Variants in CEP290 observed in about 807,000 individuals in gnomAD.
The protein encoded by CEP290 is centrosomal protein 290, also known as centrosomal protein of 290 kDa.
In CEP290, 317 loss-of-function variants were observed where a neutral mutation model predicts 344.9. The observed-to-expected ratio is 0.92, with a 90% confidence interval of 0.84 to 1.01. The LOEUF is 1.01. Among genes scored for constraint, CEP290 ranks in the 50% least tolerant of loss-of-function variants. The probability of loss-of-function intolerance (pLI) is 0.00; values close to 1 mark genes in which losing one functional copy is unlikely to be tolerated. For missense variants in CEP290, 2,754 were observed against 2,761.4 expected, an observed-to-expected ratio of 1.00 and a Z score of 0.06; for synonymous variants, 932 against 895.8, an observed-to-expected ratio of 1.04 and a Z score of -0.72.
rs1313159815 is a variant in CEP290 at position 88,080,292 on chromosome 12, A to G, written c.5116T>C (p.Ser1706Pro). The G allele has an allele frequency of 6.2e-7, 1 of 1,613,666 alleles. No individual in the cohort carries two copies. The highest frequency in any genetic ancestry group is 8.5e-7 in the Non-Finnish European group (1 of 1,179,688). Residue 1706 changes from serine (S) to proline (P), a missense_variant, in exon 38 of 54, where the codon TCT becomes CCT. Coordinates refer to ENST00000552810, the MANE Select transcript of CEP290 (RefSeq NM_025114.4). Reference protein sequence around the residue: ...QSQKESQCLKSELQAQKEANS... With the variant: ...QSQKESQCLKPELQAQKEANS... ...GCTTCTTTTTGAGCCTGAAGTTCAG[A>G]TTTTAAACACTGTGACTCCTTTTGT...
chr12:88,089,101 C>T lies in CEP290; in HGVS notation c.3960G>A (p.Glu1320=), dbSNP rs2036812497. 1 of 1,551,410 alleles carries T rather than the reference C, an allele frequency of 6.4e-7. No homozygotes were observed. The highest frequency in any genetic ancestry group is 1.4e-5 in the African/African-American group (1 of 72,322). ...EHRNMENKTL[E]MELKLKGLEE... is the part of the protein sequence containing the mutation. ...CCAGGCCCTTTAATTTTAATTCCAT[C>T]TCCAATGTTTTGTTCTCCATATTTC... The change falls in exon 31 of 54, where the codon GAG becomes GAA. Residue 1320 remains glutamate, a synonymous_variant. Coordinates refer to ENST00000552810, the MANE Select transcript of CEP290 (RefSeq NM_025114.4).
In CEP290 at chr12:88,107,249, T is replaced by C. The variant is rs549975023; in HGVS notation, c.2484-151A>G. ...TCTGAAAACACAAGAAGTTAAACTTTCATTTAAAAAGGGTTTAGCCTAGAA... is the reference window on the plus strand; with the variant it reads ...TCTGAAAACACAAGAAGTTAAACTTCCATTTAAAAAGGGTTTAGCCTAGAA... On this transcript the variant is annotated intron_variant, in intron 23 of 53. Transcript: ENST00000552810. Among the ~76,000 whole-genome samples the C allele has an allele frequency of 1.1e-3, 163 of 152,292 alleles. 3 individuals carry two copies. Among genetic ancestry groups the C allele is most frequent in the Non-Finnish European group, 5.7e-4 (39 of 68,004 alleles).
intron 38 of CEP290, 91 bp from the exon 39 acceptor site, chr12:88,079,320 A>G (rs547696899): frequency 2.1e-6 from 2 of 966,712 alleles, no homozygotes; most frequent in African/African-American, 3.4e-5. Context: ...AAGCTTTATT[A>G]CTTCCTACTA....
intron 52 of CEP290, among the ~76,000 whole-genome samples, chr12:88,052,681 C>G (rs1040589395): frequency 4.6e-5 from 7 of 151,940 alleles, no homozygotes; most frequent in African/African-American, 1.7e-4. Flanking sequence ...ATACATACAC[C>G]TACATATCTC....
chr12:88,127,478 ACTCTGT>A (rs2039804536), intron 11 of CEP290, among the ~76,000 whole-genome samples: 1 of 152,208 alleles, frequency 6.6e-6, no homozygotes, highest in Non-Finnish European at 1.5e-5. Context: ...ACTGAGTGAG[ACTCTGT>A]CTCAAAAACA....
chr12:88,121,591 C>T (rs956605456), intron 13 of CEP290, among the ~76,000 whole-genome samples: 4 of 145,180 alleles, frequency 2.8e-5, no homozygotes, highest in African/African-American at 7.6e-5. Flanking sequence ...GGAATATAAA[C>T]GCAAAGTTCA....
intron 5 of CEP290, among the ~76,000 whole-genome samples, chr12:88,136,998 C>T (rs2040388210): frequency 6.6e-6 from 1 of 151,954 alleles, no homozygotes; most frequent in South Asian, 2.1e-4. Context: ...TTTTCCTGAG[C>T]CACCCAGAGA....
At chr12:88,054,461 TGAG>T (rs1565783936) in intron 50 of CEP290, 48 bp from the exon 51 acceptor site, 1 of 1,362,124 alleles carries the variant, frequency 7.3e-7, no homozygotes. Context: ...CATGGAAATA[TGAG>T]GATTTATAAA....
At chr12:88,078,856 A>G (rs1592812005) in intron 39 of CEP290, among the ~76,000 whole-genome samples, 1 of 152,278 alleles carries the variant, frequency 6.6e-6, no homozygotes, top group East Asian at 1.9e-4. Flanking sequence ...ATTTAATTTC[A>G]TTAGAAACAG....
chr12:88,058,704 G>GA (rs1213392561), intron 49 of CEP290, 144 bp downstream of exon 49: 2 of 818,604 alleles, frequency 2.4e-6, no homozygotes, highest in Admixed American at 2.9e-5. Flanking sequence ...TACTACAACA[G>GA]AAAAAAAGTA....
rs1183095802 is a variant in CEP290 at position 88,090,789 on chromosome 12, G to C, written c.3512C>G (p.Ala1171Gly). The change falls in exon 30 of 54, where the codon GCA becomes GGA. Residue 1171 changes from alanine (A) to glycine (G), a missense_variant. Coordinates refer to ENST00000552810, the MANE Select transcript of CEP290 (RefSeq NM_025114.4). ...TTCCTTGTCCCTAGATTGTTGTTGTGCATTCAAAATTTCAACTTGTCTTCT... is the reference window on the plus strand; with the variant it reads ...TTCCTTGTCCCTAGATTGTTGTTGTCCATTCAAAATTTCAACTTGTCTTCT... ...IARRQVEILN[A>G]QQQSRDKEVE... is the part of the protein sequence containing the mutation. The C allele has an allele frequency of 2.6e-6, 4 of 1,562,292 alleles. No homozygotes were observed. The highest frequency in any genetic ancestry group is 3.5e-6 in the Non-Finnish European group (4 of 1,151,286).
At position 88,102,924 on chromosome 12, in the gene CEP290, A is replaced by C; in HGVS notation, c.2905T>G (p.Tyr969Asp). The change falls in exon 26 of 54, where the codon TAC becomes GAC. Residue 969 changes from tyrosine (Y) to aspartate (D), a missense_variant. Coordinates refer to ENST00000552810, the MANE Select transcript of CEP290 (RefSeq NM_025114.4). ...LSELELANKQYNELTAKYRDI... is the reference protein window; with the variant it reads ...LSELELANKQDNELTAKYRDI... ...CTGTACTTAGCAGTCAGTTCATTGT[A>C]CTGTTTATTAGCCAGTTCTAGTTCA... 1 of 1,607,564 alleles carries C rather than the reference A, an allele frequency of 6.2e-7. No homozygotes were observed. Among genetic ancestry groups the C allele is most frequent in the Non-Finnish European group, 8.5e-7 (1 of 1,177,556 alleles).
Position 88,064,099 on chromosome 12 carries a change from G to C in CEP290, c.6152C>G (p.Ser2051Ter). The C allele has an allele frequency of 6.4e-7, 1 of 1,567,030 alleles. No homozygotes were observed. Among genetic ancestry groups the C allele is most frequent in the Non-Finnish European group, 8.6e-7 (1 of 1,156,176 alleles). ...YSKPSISGIE[S>*]DDHCQREQEL... The stretch of plus-strand genomic sequence containing the variant: ...CTGTTCTCTCTGACAATGATCATCT[G>C]ACTCTATTCCTGAAATCTTCAGGGA... Residue 2051 changes from serine (S) to a stop codon, truncating the protein, a stop_gained, in exon 45 of 54, where the codon TCA becomes TGA. Coordinates refer to ENST00000552810, the MANE Select transcript of CEP290 (RefSeq NM_025114.4). LOFTEE classifies it high-confidence loss of function.
At chr12:88,090,604 TG>T (rs2036956403) in intron 30 of CEP290, 123 bp downstream of exon 30, 1 of 653,804 alleles carries the variant, frequency 1.5e-6, no homozygotes, top group East Asian at 3.0e-5. Context: ...CACTCCACCC[TG>T]GGCAACAGAA....
chr12:88,134,851 T>C (rs940792748), intron 6 of CEP290, among the ~76,000 whole-genome samples: 4 of 152,210 alleles, frequency 2.6e-5, no homozygotes, highest in African/African-American at 9.6e-5. Flanking sequence ...TAACATCTCT[T>C]ACCTCTAGGT....
chr12:88,081,003 A>G (rs889493176), intron 37 of CEP290, among the ~76,000 whole-genome samples: 1 of 152,208 alleles, frequency 6.6e-6, no homozygotes, highest in Non-Finnish European at 1.5e-5. Flanking sequence ...GGCATTTTAA[A>G]TATTATGGCT....
chr12:88,059,029 A>G lies in CEP290; in HGVS notation c.6646-9T>C. ...TCTGCAGCATCAGTTTCCTATCATTAAATGCTAATTAGTATTTTATGAGAA... is the reference window on the plus strand; with the variant it reads ...TCTGCAGCATCAGTTTCCTATCATTGAATGCTAATTAGTATTTTATGAGAA... On this transcript the variant is annotated splice_polypyrimidine_tract_variant and intron_variant, in intron 48 of 53. Transcript: ENST00000552810. 1.3e-6 allele frequency: 2 copies of G among 1,596,898 alleles called. No individual in the cohort carries two copies. Among genetic ancestry groups the G allele is most frequent in the Middle Eastern group, 3.3e-4 (2 of 6,004 alleles).
intron 22 of CEP290, among the ~76,000 whole-genome samples, chr12:88,110,642 G>C (rs1159908715): frequency 6.6e-6 from 1 of 152,086 alleles, no homozygotes; most frequent in Non-Finnish European, 1.5e-5. Flanking sequence ...TCAGGAGGTG[G>C]AAGTTGCAGT....
intron 50 of CEP290, 136 bp from the exon 51 acceptor site, chr12:88,054,549 A>G (rs2033847579): frequency 9.3e-6 from 6 of 647,172 alleles, no homozygotes; most frequent in Middle Eastern, 3.0e-4. Flanking sequence ...TCTATGTTCT[A>G]TTCACCATTC....
Sources: allele counts gnomAD v4.1 joint callset (sites outside exome capture counted in the v4.1 genomes callset), GRCh38; gene constraint gnomAD v4.1.1; transcripts MANE v1.5; gene names NCBI Gene and HGNC (gene_info 2026-07-23, HGNC 2026-07-21).